SERPINB8: variants seen among roughly 807,000 people sequenced by gnomAD.
SERPINB8 encodes the protein serpin B8.
SERPINB8 carries 25 observed loss-of-function variants against 35.3 expected under a neutral mutation model. The observed-to-expected ratio is 0.71, with a 90% CI of 0.52 to 0.99. The LOEUF is 0.99. SERPINB8 is among the 50% of genes least tolerant of loss of function. SERPINB8 has a pLI of 0.00. For missense variants in SERPINB8, 484 were observed against 446.5 expected (o/e 1.08, Z -0.76); for synonymous variants, 186 against 160.8 (o/e 1.16, Z -1.19).
chr18:63,970,351 G>C (rs1239635260), intron 1 of SERPINB8, 181 bp downstream of exon 1: 1 of 176,518 alleles, frequency 5.7e-6, no homozygotes, highest in Non-Finnish European at 1.2e-5. Flanking sequence ...CCGGGAAAGA[G>C]AGTCGCGGGG....
downstream of SERPINB8, among the ~76,000 whole-genome samples, chr18:64,007,372 T>A (rs1337575251): frequency 6.6e-6 from 1 of 152,186 alleles, no homozygotes; most frequent in East Asian, 1.9e-4. Context: ...TTCAGATGAT[T>A]TTACAAGTAA....
rs544711210 is a variant in SERPINB8, at chr18:64,003,874, C to G, written c.71-945C>G. Among the ~76,000 whole-genome samples, 7 of 152,288 alleles carry G rather than the reference C, an allele frequency of 4.6e-5. No homozygotes were observed. In the South Asian group the frequency reaches 6.2e-4, roughly 14 times the overall value. On this transcript the variant is annotated intron_variant, in intron 1 of 1. Coordinates refer to the SERPINB8 transcript ENST00000493661. The stretch of plus-strand genomic sequence containing the variant: ...TACTTGGTGTACCATTGCAAAATGT[C>G]AGTCTCACCCAGAAACACCCTCACA...
chr18:63,983,815 T>A, intron 5 of SERPINB8, 94 bp downstream of exon 5: 1 of 900,024 alleles, frequency 1.1e-6, no homozygotes, highest in Admixed American at 2.2e-5. Flanking sequence ...TTTGACATGA[T>A]CTTGATTTTA....
In SERPINB8 at chr18:63,973,461, A is replaced by C. The variant is rs563110057; in HGVS notation, c.-11+3291A>C. 3.0e-4 allele frequency among the ~76,000 whole-genome samples: 45 copies of C among 152,270 alleles called. No homozygotes were observed. In the South Asian group the frequency reaches 8.3e-3, roughly 28 times the overall value. On this transcript the variant is annotated intron_variant, in intron 1 of 6. Transcript: ENST00000397985. ...TAGGTTGCCTGTTTACTCTGATGGT[A>C]GTTTCTTTTGCTGTGCAGAAGCTCT...
intron 1 of SERPINB8, among the ~76,000 whole-genome samples, chr18:64,000,059 C>A (rs1339376281): frequency 6.6e-6 from 1 of 152,206 alleles, no homozygotes; most frequent in Admixed American, 6.5e-5. Context: ...CCTGGACTTC[C>A]AGCTGGCCAG....
Position 63,987,808 on chromosome 18 carries a change from G to C in SERPINB8, c.*530G>C, listed in dbSNP as rs2050785684. Reference sequence around the variant, plus strand: ...CCTGTCTCACACAGTTTGTAATGAAGACAGCTCCTTCTCATCTTTCCATAA... The same window carrying C: ...CCTGTCTCACACAGTTTGTAATGAACACAGCTCCTTCTCATCTTTCCATAA... On this transcript the variant is annotated 3_prime_UTR_variant, in exon 7 of 7. Transcript: ENST00000397985. 6.5e-6 allele frequency: 1 copy of C among 152,964 alleles called. No homozygotes were observed. Among genetic ancestry groups the C allele is most frequent in the Non-Finnish European group, 1.5e-5 (1 of 68,620 alleles). 9.5% of individuals were successfully genotyped at this position (152,964 alleles called of 1,614,324 possible). A position where few individuals can be genotyped will look rare whatever the true frequency, so the allele number is the denominator to read the frequency against.
downstream of SERPINB8, among the ~76,000 whole-genome samples, chr18:64,006,505 C>A (rs780612115): frequency 6.6e-6 from 1 of 152,122 alleles, no homozygotes; most frequent in African/African-American, 2.4e-5. Flanking sequence ...CTGTCCACAA[C>A]CCAGGAAGAG....
At chr18:64,013,383 C>T (rs1026487471) in intron 7 of SERPINB8, among the ~76,000 whole-genome samples, 1 of 152,318 alleles carries the variant, frequency 6.6e-6, no homozygotes, top group East Asian at 1.9e-4. Flanking sequence ...ATCTCCAAAC[C>T]TTCCAGCTAC....
intron 7 of SERPINB8, among the ~76,000 whole-genome samples, chr18:64,014,074 A>G (rs964933778): frequency 2.0e-5 from 3 of 152,238 alleles, no homozygotes; most frequent in Non-Finnish European, 4.4e-5. Flanking sequence ...GGAGAATAAA[A>G]TAAAAGGAGG....
At chr18:63,989,805 T>A (rs1255422245), downstream of SERPINB8, among the ~76,000 whole-genome samples, 78 of 150,406 alleles carry the variant, frequency 5.2e-4, no homozygotes, top group Non-Finnish European at 1.5e-5. Flanking sequence ...TAGCTGGGCG[T>A]AGTGGTGGGC....
chr18:63,989,968 A>C (rs530771588), downstream of SERPINB8, among the ~76,000 whole-genome samples: 7 of 146,710 alleles, frequency 4.8e-5, no homozygotes, highest in South Asian at 6.4e-4. Context: ...AAAAAAAAAA[A>C]ACCAAAATGT....
chr18:64,001,858 C>T (rs2144842059), intron 1 of SERPINB8, among the ~76,000 whole-genome samples: 1 of 152,270 alleles, frequency 6.6e-6, no homozygotes, highest in Admixed American at 6.5e-5. Context: ...TTAGAATGCA[C>T]GGATTCTGGC....
At chr18:63,986,666 C>A in intron 6 of SERPINB8, 2 of 1,350,330 alleles carry the variant, frequency 1.5e-6, no homozygotes, top group Non-Finnish European at 9.5e-7. Context: ...TGTTTACTAG[C>A]TCTTTTACAC....
In SERPINB8 at chr18:63,994,662, C is replaced by T. The variant is rs151238499; in HGVS notation, c.70+9417C>T. ...ATCTGGCAGGTTTGGTACACTGTAA[C>T]AAGACCCATGCCATTGAAAAACACT... On this transcript the variant is annotated intron_variant, in intron 1 of 1. Transcript: ENST00000493661. 2.1e-4 allele frequency among the ~76,000 whole-genome samples: 32 copies of T among 152,250 alleles called. No homozygotes were observed. The East Asian group carries it at 5.8e-3, about 28-fold the overall frequency.
chr18:63,997,419 TC>T (rs1301871055), intron 1 of SERPINB8, among the ~76,000 whole-genome samples: 1 of 152,090 alleles, frequency 6.6e-6, no homozygotes, highest in African/African-American at 2.4e-5. Flanking sequence ...AGGAGTGTTG[TC>T]CCCCTCCCAG....
At chr18:63,980,444 A>G (rs183415589) in intron 3 of SERPINB8, among the ~76,000 whole-genome samples, 44 of 152,360 alleles carry the variant, frequency 2.9e-4, no homozygotes, top group Non-Finnish European at 4.0e-4. Flanking sequence ...CCAGCCTGGC[A>G]TAATGCAATC....
intron 5 of SERPINB8, among the ~76,000 whole-genome samples, chr18:63,984,864 C>T (rs995269460): frequency 7.2e-6 from 1 of 138,752 alleles, no homozygotes; most frequent in Non-Finnish European, 1.5e-5. Context: ...TTGTGTCCTT[C>T]TCCATTTACC....
chr18:64,018,865 C>A (rs373085822), intron 7 of SERPINB8: 10 of 152,200 alleles, frequency 6.6e-5, no homozygotes, highest in South Asian at 4.1e-4. Flanking sequence ...ATATTAAAAA[C>A]AAACAAAGTC....
chr18:63,992,472 T>G (rs983338252), downstream of SERPINB8, among the ~76,000 whole-genome samples: 1 of 152,226 alleles, frequency 6.6e-6, no homozygotes, highest in African/African-American at 2.4e-5. Flanking sequence ...TTTCTGAGAT[T>G]AGTAGCTTGT....
Sources: gnomAD v4.1 joint callset for allele counts (sites outside exome capture counted in the v4.1 genomes callset) on GRCh38, gnomAD v4.1.1 for gene constraint, MANE v1.5 for transcripts, NCBI Gene and HGNC (gene_info 2026-07-23, HGNC 2026-07-21) for gene names.